MAGED1: variants seen among roughly 807,000 people sequenced by gnomAD.
MAGED1 encodes the protein melanoma-associated antigen D1.
A neutral mutation model predicts 54.1 loss-of-function variants in MAGED1; 3 were observed. The observed-to-expected ratio is 0.06, with a 90% CI of 0.03 to 0.14. The LOEUF is 0.14. Among genes scored for constraint, MAGED1 ranks in the 10% least tolerant of loss-of-function variants. The pLI, the probability that MAGED1 is intolerant of heterozygous loss-of-function variation, is 1.00. For missense variants in MAGED1, 485 were observed against 623.4 expected (o/e 0.78, Z 2.36); for synonymous variants, 217 against 227.3 (o/e 0.95, Z 0.41).
intron 1 of MAGED1, among the ~76,000 whole-genome samples, chrX:51,853,005 G>A (rs1926951513): frequency 9.0e-6 from 1 of 111,665 alleles, no homozygotes; most frequent in Non-Finnish European, 1.9e-5. Context: ...AATGAGAGCA[G>A]TTTGAGTCTC....
intron 12 of MAGED1, 42 bp downstream of exon 12, chrX:51,901,980 G>A: frequency 2.6e-6 from 3 of 1,135,992 alleles, no homozygotes; most frequent in Non-Finnish European, 3.5e-6. Flanking sequence ...GGTCTCTGGG[G>A]GATATAGGGT....
At chrX:51,880,947 T>C (rs1928031073) in intron 1 of MAGED1, among the ~76,000 whole-genome samples, 1 of 111,081 alleles carries the variant, frequency 9.0e-6, no homozygotes, top group Non-Finnish European at 1.9e-5. Flanking sequence ...CCTTATCTAT[T>C]CCTTAACCTC....
intron 10 of MAGED1, 146 bp downstream of exon 10, chrX:51,898,789 G>A (rs1327203522): frequency 2.0e-5 from 10 of 488,797 alleles, no homozygotes; most frequent in African/African-American, 1.9e-4. Context: ...GATCGCTTGA[G>A]CCCAGGAGTT....
At chrX:51,847,557 G>GA (rs368983468) in intron 1 of MAGED1, among the ~76,000 whole-genome samples, 4,540 of 103,662 alleles carry the variant, frequency 0.044, 105 homozygotes, top group Non-Finnish European at 0.065. Context: ...GGGTGAAAAG[G>GA]AAAAAAAAAA....
chrX:51,900,218 C>G lies in MAGED1; in HGVS notation c.1881C>G (p.Pro627=). Reference sequence around the variant, plus strand: ...ACAGACGAGTGCCCAACAGCAACCCCCCGGAGTATGAGTTCCTCTGGGGCC... The same window carrying G: ...ACAGACGAGTGCCCAACAGCAACCCGCCGGAGTATGAGTTCCTCTGGGGCC... The part of the protein sequence containing the change: ...LDYRRVPNSN[P]PEYEFLWGLR... Residue 627 remains proline (P), a synonymous_variant, in exon 11 of 13, where the codon CCC becomes CCG. Transcript: ENST00000326587. The G allele has an allele frequency of 8.3e-7, 1 of 1,207,921 alleles. No homozygotes were observed. The highest frequency in any genetic ancestry group is 1.1e-6 in the Non-Finnish European group (1 of 893,994).
chrX:51,815,961 G>C (rs1925406592), intron 1 of MAGED1, among the ~76,000 whole-genome samples: 1 of 111,776 alleles, frequency 8.9e-6, no homozygotes, highest in Non-Finnish European at 1.9e-5. Flanking sequence ...AATGATTTTA[G>C]TGTAGCCTAA....
At chrX:51,881,608 G>A (rs938534430) in intron 1 of MAGED1, among the ~76,000 whole-genome samples, 2 of 108,818 alleles carry the variant, frequency 1.8e-5, no homozygotes, top group Non-Finnish European at 3.8e-5. Context: ...GTAGAGACGG[G>A]GTTTCACCAT....
chrX:51,897,464 T>TGC (rs782164028), intron 5 of MAGED1, 83 bp from the exon 6 acceptor site: 2 of 865,687 alleles, frequency 2.3e-6, no homozygotes, highest in Admixed American at 4.6e-5. Context: ...ACCTTGACTG[T>TGC]GCTACCCCCA....
In MAGED1 at chrX:51,895,238, C is replaced by A; in HGVS notation, c.231C>A (p.Ala77=). ...VSAAAARPKS[A]FKVQNATTKG... ...CAGCTGCCGCTAGGCCTAAGTCAGC[C>A]TTTAAAGTCCAGAATGCCACCACAA... Residue 77 remains alanine (A), a synonymous_variant, in exon 3 of 13, where the codon GCC becomes GCA. Transcript: ENST00000326587. 1 of 1,211,684 alleles carries A rather than the reference C, an allele frequency of 8.3e-7. No individual in the cohort carries two copies. Among genetic ancestry groups the A allele is most frequent in the Non-Finnish European group, 1.1e-6 (1 of 895,442 alleles).
At chrX:51,859,937 A>AAAAGAAAG (rs200966292) in intron 1 of MAGED1, among the ~76,000 whole-genome samples, 20 of 107,558 alleles carry the variant, frequency 1.9e-4, no homozygotes, top group South Asian at 8.6e-4. Flanking sequence ...TCTGTCTCAA[A>AAAAGAAAG]AAAGAAAGAA....
chrX:51,850,437 G>A (rs1926844244), intron 1 of MAGED1, among the ~76,000 whole-genome samples: 1 of 112,086 alleles, frequency 8.9e-6, no homozygotes, highest in African/African-American at 3.2e-5. Context: ...ACAAGACTTG[G>A]TGGTAAACAA....
chrX:51,857,597 C>T (rs1171470671), intron 1 of MAGED1: 1 of 111,712 alleles, frequency 9.0e-6, no homozygotes, highest in Non-Finnish European at 1.9e-5. Context: ...GAAAGAGATC[C>T]TTTCAGTGTA....
In MAGED1 at chrX:51,896,406, C is replaced by T. The variant is rs2147019558; in HGVS notation, c.754-3C>T. ...GATTCTGAACTTCTCTCTGATGATG[C>T]AGATTAATAACTTGAATGTTGAAGA... On this transcript the variant is annotated splice_polypyrimidine_tract_variant and splice_region_variant and intron_variant, in intron 3 of 12. Transcript: ENST00000326587. 1.7e-6 allele frequency: 2 copies of T among 1,198,837 alleles called. No individual in the cohort carries two copies. The highest frequency in any genetic ancestry group is 2.3e-6 in the Non-Finnish European group (2 of 887,763).
chrX:51,858,536 A>G (rs1927166571), intron 1 of MAGED1, among the ~76,000 whole-genome samples: 1 of 112,021 alleles, frequency 8.9e-6, no homozygotes, highest in Non-Finnish European at 1.9e-5. Context: ...TAATAACAAA[A>G]TTCTGTTCTC....
chrX:51,847,749 CCTAT>C (rs1217133890), intron 1 of MAGED1, among the ~76,000 whole-genome samples: 5 of 111,901 alleles, frequency 4.5e-5, no homozygotes, highest in Non-Finnish European at 7.5e-5. Flanking sequence ...GGACCCTCCT[CCTAT>C]CTCTTTCTCC....
chrX:51,866,256 T>G (rs782120838), intron 1 of MAGED1, among the ~76,000 whole-genome samples: 1 of 112,269 alleles, frequency 8.9e-6, no homozygotes, highest in South Asian at 3.7e-4. Flanking sequence ...TGAAACTTTT[T>G]AATGTTTGTT....
intron 1 of MAGED1, among the ~76,000 whole-genome samples, chrX:51,877,742 A>T (rs1927923767): frequency 8.9e-6 from 1 of 112,273 alleles, no homozygotes; most frequent in Non-Finnish European, 1.9e-5. Context: ...GTGATAAAAC[A>T]TTATATACAA....
intron 1 of MAGED1, among the ~76,000 whole-genome samples, chrX:51,885,990 G>A (rs1481827977): frequency 9.1e-6 from 1 of 109,691 alleles, no homozygotes; most frequent in Non-Finnish European, 1.9e-5. Context: ...GGATGGAACT[G>A]GAGGACATTA....
intron 1 of MAGED1, among the ~76,000 whole-genome samples, chrX:51,805,965 C>CTTTTTTTTTTTTTT (rs57427122): frequency 8.1e-4 from 30 of 36,933 alleles, no homozygotes; most frequent in East Asian, 1.2e-3. Flanking sequence ...CTTTTCTTTT[C>CTTTTTTTTTTTTTT]TTTTTTTTTT....
Sources: gnomAD v4.1 joint callset for allele counts (sites outside exome capture counted in the v4.1 genomes callset) on GRCh38, gnomAD v4.1.1 for gene constraint, MANE v1.5 for transcripts, NCBI Gene and HGNC (gene_info 2026-07-23, HGNC 2026-07-21) for gene names.